PCDHGB3: variants seen among roughly 807,000 people sequenced by gnomAD.
PCDHGB3 encodes the protein protocadherin gamma-B3.
PCDHGB3 carries 40 observed loss-of-function variants against 59.2 expected under a neutral mutation model. The ratio of observed to expected loss-of-function variants is 0.68; its 90% CI spans 0.52 to 0.88. PCDHGB3 has a LOEUF of 0.88. Among genes scored for constraint, PCDHGB3 ranks in the 40% least tolerant of loss-of-function variants. PCDHGB3 has a pLI of 0.00. For synonymous variants in PCDHGB3, 581 were observed against 503.6 expected, an observed-to-expected ratio of 1.15 and a Z score of -2.06; for missense variants, 1,309 against 1,187.9, an observed-to-expected ratio of 1.10 and a Z score of -1.50.
intron 1 of PCDHGB3, among the ~76,000 whole-genome samples, chr5:141,469,538 G>A (rs2099204234): frequency 6.6e-6 from 1 of 152,168 alleles, no homozygotes; most frequent in Non-Finnish European, 1.5e-5. Flanking sequence ...TTGTGCCACT[G>A]CACTCCAGCC....
intron 1 of PCDHGB3, chr5:141,408,119 C>T (rs1271219465): frequency 6.8e-7 from 1 of 1,474,944 alleles, no homozygotes; most frequent in African/African-American, 1.4e-5. Flanking sequence ...CTCCTCCTGT[C>T]CTGGGCCGAA....
intron 1 of PCDHGB3, chr5:141,492,055 G>C (rs1335131646): frequency 4.1e-6 from 2 of 493,506 alleles, no homozygotes; most frequent in Non-Finnish European, 7.1e-6. Flanking sequence ...CACCCCTGCA[G>C]CCAGCCTCCT....
At chr5:141,421,325 G>T in intron 1 of PCDHGB3, 1 of 1,613,906 alleles carries the variant, frequency 6.2e-7, no homozygotes, top group Non-Finnish European at 8.5e-7. Flanking sequence ...AGGCAGATCC[G>T]ATATTCGGTG....
At position 141,404,906 on chromosome 5, in the gene PCDHGB3, C is replaced by A. The variant is rs776779922; in HGVS notation, c.2415+32097C>A. 1 of 1,613,864 alleles carries A rather than the reference C, an allele frequency of 6.2e-7. No homozygotes were observed. The highest frequency in any genetic ancestry group is 8.5e-7 in the Non-Finnish European group (1 of 1,179,858). ...GGTGGCTGTACAGGACCATGGCCAGCCCCCTCTCTCGGCCACTGTCACGCT... is the reference window on the plus strand; with the variant it reads ...GGTGGCTGTACAGGACCATGGCCAGACCCCTCTCTCGGCCACTGTCACGCT... On this transcript the variant is annotated intron_variant, in intron 1 of 3. Transcript: ENST00000576222.
chr5:141,400,928 G>T (rs1365073405), intron 1 of PCDHGB3, among the ~76,000 whole-genome samples: 1 of 152,154 alleles, frequency 6.6e-6, no homozygotes, highest in African/African-American at 2.4e-5. Flanking sequence ...ACTGCTAGTA[G>T]ATGTCTTTCT....
At chr5:141,410,419 T>TC (rs769125626) in intron 1 of PCDHGB3, 49 of 1,613,886 alleles carry the variant, frequency 3.0e-5, no homozygotes, top group Non-Finnish European at 3.6e-5. Context: ...GACCTGTAGT[T>TC]CCCCCCAACT....
At chr5:141,388,635 C>G (rs1441074974) in intron 1 of PCDHGB3, 7 of 1,613,896 alleles carry the variant, frequency 4.3e-6, no homozygotes, top group Non-Finnish European at 5.9e-6. Context: ...CAGGGTGAGC[C>G]TTTCAGAAAA....
intron 1 of PCDHGB3, chr5:141,392,749 A>G (rs2092584642): frequency 6.9e-7 from 1 of 1,449,652 alleles, no homozygotes; most frequent in Admixed American, 2.8e-5. Flanking sequence ...AGCTGCGGCA[A>G]GAAACTAAAT....
At chr5:141,405,062 T>C in intron 1 of PCDHGB3, 1 of 1,613,918 alleles carries the variant, frequency 6.2e-7, no homozygotes, top group Non-Finnish European at 8.5e-7. Flanking sequence ...CTCCTGTGTC[T>C]TCCTCACCTT....
At chr5:141,396,891 A>G (rs1216083648) in intron 1 of PCDHGB3, among the ~76,000 whole-genome samples, 1 of 152,228 alleles carries the variant, frequency 6.6e-6, no homozygotes, top group Non-Finnish European at 1.5e-5. Flanking sequence ...AGAGGACAAC[A>G]TATTATTGGC....
intron 1 of PCDHGB3, chr5:141,392,992 C>T (rs1233401263): frequency 1.2e-6 from 2 of 1,613,700 alleles, no homozygotes; most frequent in Non-Finnish European, 8.5e-7. Flanking sequence ...CGGAAGCTGG[C>T]GAAGCACGGA....
rs2096663485 is a variant in PCDHGB3, at chr5:141,422,674, A to G, written c.2415+49865A>G. 3 of 1,606,698 alleles carry G rather than the reference A, an allele frequency of 1.9e-6. No individual in the cohort carries two copies. The East Asian group carries it at 6.7e-5, about 36-fold the overall frequency. On this transcript the variant is annotated intron_variant, in intron 1 of 3. Transcript: ENST00000576222. ...AGTGACCGCCCTCGACCCGGACAGC[A>G]AACAGAATGCCCTGGTCACTTACTC...
chr5:141,390,099 C>T (rs1252752587), intron 1 of PCDHGB3: 2 of 1,614,052 alleles, frequency 1.2e-6, no homozygotes, highest in Admixed American at 3.3e-5. Context: ...CGTGGTTCCC[C>T]CCAACTACAG....
At chr5:141,388,824 T>A in intron 1 of PCDHGB3, 1 of 1,613,960 alleles carries the variant, frequency 6.2e-7, no homozygotes, top group Non-Finnish European at 8.5e-7. Flanking sequence ...CAAAGAATAT[T>A]CCATAGTTTT....
chr5:141,414,537 T>C (rs2095757230), intron 1 of PCDHGB3: 1 of 1,613,978 alleles, frequency 6.2e-7, no homozygotes, highest in Non-Finnish European at 8.5e-7. Flanking sequence ...ACAACCCACC[T>C]ACCTTCTCTC....
intron 1 of PCDHGB3, among the ~76,000 whole-genome samples, chr5:141,492,170 C>A (rs1383768075): frequency 6.6e-6 from 1 of 152,226 alleles, no homozygotes; most frequent in Non-Finnish European, 1.5e-5. Context: ...ATCCCCGCAT[C>A]ACCCAACCGC....
chr5:141,488,606 C>T (rs781116401), intron 1 of PCDHGB3, among the ~76,000 whole-genome samples: 2 of 152,156 alleles, frequency 1.3e-5, no homozygotes, highest in Admixed American at 1.3e-4. Flanking sequence ...TTACAAGGTT[C>T]TTACTAATCT....
intron 1 of PCDHGB3, among the ~76,000 whole-genome samples, chr5:141,472,516 G>T (rs545962540): frequency 2.0e-5 from 3 of 152,072 alleles, no homozygotes; most frequent in Non-Finnish European, 4.4e-5. Flanking sequence ...CTCCAGCCTG[G>T]GTGACAGAGT....
intron 1 of PCDHGB3, chr5:141,383,504 G>T (rs373658496): frequency 6.2e-7 from 1 of 1,612,766 alleles, no homozygotes; most frequent in South Asian, 1.1e-5. Context: ...GTGCTGGACC[G>T]GGAGGAAGAG....
Sources: allele counts gnomAD v4.1 joint callset (sites outside exome capture counted in the v4.1 genomes callset), GRCh38; gene constraint gnomAD v4.1.1; transcripts MANE v1.5; gene names NCBI Gene and HGNC (gene_info 2026-07-23, HGNC 2026-07-21).